MATN2: variants seen among roughly 807,000 people sequenced by gnomAD.
MATN2 encodes the protein matrilin 2, also known as matrilin-2.
A neutral mutation model predicts 103.2 loss-of-function variants in MATN2; 69 were observed. The ratio of observed to expected loss-of-function variants is 0.67; its 90% CI spans 0.55 to 0.82. The LOEUF is 0.82. Ranked by LOEUF, MATN2 falls within the 40% of genes least tolerant of loss-of-function variation. MATN2 has a pLI of 0.00. For missense variants in MATN2, 1,023 were observed against 1,211.5 expected, an observed-to-expected ratio of 0.84 and a Z score of 2.31; for synonymous variants, 429 against 450.2, an observed-to-expected ratio of 0.95 and a Z score of 0.60.
chr8:97,883,237 A>C (rs559123436), intron 1 of MATN2, among the ~76,000 whole-genome samples: 1 of 150,028 alleles, frequency 6.7e-6, no homozygotes, highest in African/African-American at 2.5e-5. Flanking sequence ...GTGAGCCAAG[A>C]TTGCGCGATT....
intron 2 of MATN2, among the ~76,000 whole-genome samples, chr8:97,900,661 C>T (rs937512558): frequency 6.6e-6 from 1 of 152,116 alleles, no homozygotes; most frequent in African/African-American, 2.4e-5. Flanking sequence ...ACCAGCCGGG[C>T]GTGGTGACTC....
intron 16 of MATN2, 145 bp from the exon 17 acceptor site, chr8:98,032,897 A>G: frequency 1.7e-6 from 1 of 605,934 alleles, no homozygotes; most frequent in Non-Finnish European, 2.6e-6. Context: ...ACTCCACTGA[A>G]GATAACAGTC....
intron 2 of MATN2, among the ~76,000 whole-genome samples, chr8:97,899,278 T>C (rs573883266): frequency 1.3e-5 from 2 of 152,192 alleles, no homozygotes; most frequent in Non-Finnish European, 2.9e-5. Context: ...CCAGCATAGC[T>C]GAGCAAGGTG....
rs1812860243 is a variant in MATN2, at chr8:98,003,672, T to C, written c.1216T>C (p.Cys406Arg). The part of the protein sequence containing the change: ...DKKTCRRINY[C>R]ALNKPGCEHE... ...CTTCTTCCCCTCAGGGATCAACTAC[T>C]GTGCACTGAACAAACCGGGCTGTGA... is the stretch of plus-strand genomic sequence containing the variant. The change falls in exon 8 of 19, where the codon TGT becomes CGT. Residue 406 changes from cysteine to arginine, a missense_variant. Physicochemically the swap from Cys to Arg is radical, Grantham distance 180. Coordinates refer to ENST00000254898, the MANE Select transcript of MATN2 (RefSeq NM_002380.5). 2 of 1,613,810 alleles carry C rather than the reference T, an allele frequency of 1.2e-6. No individual in the cohort carries two copies. The highest frequency in any genetic ancestry group is 3.3e-5 in the Admixed American group (2 of 60,018).
At chr8:98,022,672 C>T (rs1362488374) in intron 13 of MATN2, among the ~76,000 whole-genome samples, 1 of 143,786 alleles carries the variant, frequency 7.0e-6, no homozygotes, top group African/African-American at 2.5e-5. Flanking sequence ...CAGCTTAGCA[C>T]GAGGACAAAG....
chr8:97,934,224 C>T (rs1476726392), intron 3 of MATN2, among the ~76,000 whole-genome samples: 1 of 152,208 alleles, frequency 6.6e-6, no homozygotes, highest in African/African-American at 2.4e-5. Flanking sequence ...GAGGAGCTGA[C>T]TCTAGTTGTA....
At position 98,005,921 on chromosome 8, in the gene MATN2, G is replaced by A. The variant is rs1179458673; in HGVS notation, c.1328-1184G>A. Among the ~76,000 whole-genome samples the A allele has an allele frequency of 2.6e-5, 4 of 152,194 alleles. No individual in the cohort carries two copies. Among genetic ancestry groups the A allele is most frequent in the African/African-American group, 4.8e-5 (2 of 41,444 alleles). On this transcript the variant is annotated intron_variant, in intron 8 of 18. Coordinates refer to ENST00000254898, the MANE Select transcript of MATN2 (RefSeq NM_002380.5). This position sits in a 1 kb window ranked among gnomAD's most constrained non-coding sequence, Gnocchi z 4.6. Reference sequence around the variant, plus strand: ...AGCTCCCAAGATCCAGCAAGTGTTCGCAGGAGATGCATCCACCAGTGGAAT... The same window carrying A: ...AGCTCCCAAGATCCAGCAAGTGTTCACAGGAGATGCATCCACCAGTGGAAT...
At chr8:97,928,812 G>T (rs766254512) in intron 2 of MATN2, among the ~76,000 whole-genome samples, 3 of 152,194 alleles carry the variant, frequency 2.0e-5, no homozygotes, top group Non-Finnish European at 4.4e-5. Context: ...GCCCAACGAG[G>T]TGGATATTGG....
chr8:97,909,700 G>A (rs1407191697), intron 2 of MATN2, among the ~76,000 whole-genome samples: 1 of 152,228 alleles, frequency 6.6e-6, no homozygotes, highest in South Asian at 2.1e-4. Context: ...GAAGTAACAA[G>A]GGGGCCTTTA....
chr8:97,963,248 A>G (rs904022517), intron 5 of MATN2, among the ~76,000 whole-genome samples: 13 of 152,250 alleles, frequency 8.5e-5, no homozygotes, highest in Admixed American at 2.0e-4. Flanking sequence ...TTAAATGGGT[A>G]GAAACTCTGA....
At chr8:97,904,244 G>A (rs1021569919) in intron 2 of MATN2, among the ~76,000 whole-genome samples, 17 of 152,194 alleles carry the variant, frequency 1.1e-4, no homozygotes, top group Non-Finnish European at 2.5e-4. Flanking sequence ...TTCTGTAGGG[G>A]AAATATGTTT....
chr8:97,952,814 C>G (rs779396406), intron 4 of MATN2, among the ~76,000 whole-genome samples: 106 of 151,968 alleles, frequency 7.0e-4, no homozygotes, highest in Admixed American at 7.2e-4. Context: ...TTCCAAATTA[C>G]CTACTTTGCT....
At chr8:97,877,182 A>C in intron 1 of MATN2, among the ~76,000 whole-genome samples, 1 of 151,650 alleles carries the variant, frequency 6.6e-6, no homozygotes, top group East Asian at 2.0e-4. Flanking sequence ...AATTTAAAAA[A>C]AATTTTTTGG....
At chr8:97,911,181 C>CA (rs1809417648) in intron 2 of MATN2, among the ~76,000 whole-genome samples, 1 of 151,352 alleles carries the variant, frequency 6.6e-6, no homozygotes, top group Non-Finnish European at 1.5e-5. Context: ...TCGGTAGAGA[C>CA]GGGGTCTCAC....
chr8:98,004,406 G>C (rs1265711234), intron 8 of MATN2: 2 of 152,744 alleles, frequency 1.3e-5, no homozygotes, highest in Non-Finnish European at 2.9e-5. Context: ...AGGTCAGACA[G>C]GTCTAATTTC....
intron 6 of MATN2, among the ~76,000 whole-genome samples, chr8:97,990,823 A>T (rs1812366762): frequency 6.6e-6 from 1 of 152,244 alleles, no homozygotes. Flanking sequence ...ATTTATCTGG[A>T]TAGAAGGTAA....
intron 5 of MATN2, among the ~76,000 whole-genome samples, chr8:97,975,810 G>T (rs1811817651): frequency 6.6e-6 from 1 of 152,206 alleles, no homozygotes; most frequent in African/African-American, 2.4e-5. Context: ...GCCAACTCCT[G>T]TGACAAACAG....
intron 2 of MATN2, among the ~76,000 whole-genome samples, chr8:97,916,927 G>T (rs932386967): frequency 6.6e-6 from 1 of 152,104 alleles, no homozygotes; most frequent in Non-Finnish European, 1.5e-5. Flanking sequence ...GTGATGTGGC[G>T]TGTTTTTCCT....
Position 97,945,705 on chromosome 8 carries a change from G to GAAAAA in MATN2, c.835+3815_835+3819dup, listed in dbSNP as rs71303437. 4.5e-3 allele frequency among the ~76,000 whole-genome samples: 543 copies of GAAAAA among 119,816 alleles called. 5 individuals are homozygous for GAAAAA. The highest frequency in any genetic ancestry group is 5.9e-3 in the African/African-American group (190 of 31,998). 78.6% of individuals were successfully genotyped at this position (119,816 alleles called of 152,430 possible). On this transcript the variant is annotated intron_variant, in intron 4 of 18. Coordinates refer to ENST00000254898, the MANE Select transcript of MATN2 (RefSeq NM_002380.5). ...AATACACACACACATACACACTATA[G>GAAAAA]AAAAAAAAAAAAATATATATATATA... is the stretch of plus-strand genomic sequence containing the variant.
Sources: gnomAD v4.1 joint callset for allele counts (sites outside exome capture counted in the v4.1 genomes callset) on GRCh38, gnomAD v4.1.1 for gene constraint, Gnocchi (gnomAD v3.1) non-coding constraint, MANE v1.5 for transcripts, NCBI Gene and HGNC (gene_info 2026-07-23, HGNC 2026-07-21) for gene names.